ARSG: variants seen among roughly 807,000 people sequenced by gnomAD.
ARSG encodes arylsulfatase G.
ARSG carries 37 observed loss-of-function variants against 50.5 expected under a neutral mutation model. The observed-to-expected ratio is 0.73, with a 90% CI of 0.56 to 0.96. ARSG has a LOEUF of 0.96. Ranked by LOEUF, ARSG falls within the 50% of genes least tolerant of loss-of-function variation. The pLI is 0.00. For missense variants in ARSG, 629 were observed against 675.3 expected (o/e 0.93, Z 0.76); for synonymous variants, 225 against 254.6 (o/e 0.88, Z 1.11).
chr17:68,330,215 AAAAAAG>A (rs1052438792), intron 2 of ARSG, among the ~76,000 whole-genome samples: 10 of 152,256 alleles, frequency 6.6e-5, no homozygotes, highest in African/African-American at 9.6e-5. Flanking sequence ...ATCTCAAAAA[AAAAAAG>A]AAAAAGAAAA....
intron 1 of ARSG, chr17:68,277,946 A>G: frequency 1.6e-6 from 1 of 611,634 alleles, no homozygotes; most frequent in Non-Finnish European, 2.9e-6. Flanking sequence ...ATGCTCTGAA[A>G]ACCCTGTTAG....
intron 1 of ARSG, among the ~76,000 whole-genome samples, chr17:68,293,138 T>G (rs565988380): frequency 6.6e-6 from 1 of 152,340 alleles, no homozygotes; most frequent in East Asian, 1.9e-4. Context: ...GATCCATATA[T>G]AATGATATTT....
intron 6 of ARSG, among the ~76,000 whole-genome samples, chr17:68,365,941 A>G (rs937543146): frequency 1.3e-5 from 2 of 151,998 alleles, no homozygotes; most frequent in African/African-American, 4.8e-5. Context: ...GATTTATTTA[A>G]TTTATTTTTT....
intron 11 of ARSG, among the ~76,000 whole-genome samples, chr17:68,412,101 G>A (rs1307063927): frequency 2.0e-5 from 3 of 152,160 alleles, no homozygotes; most frequent in African/African-American, 7.2e-5. Context: ...CTTTTAATTG[G>A]AGCATTTAGT....
intron 2 of ARSG, among the ~76,000 whole-genome samples, chr17:68,331,161 T>C (rs2077723653): frequency 6.7e-6 from 1 of 150,168 alleles, no homozygotes; most frequent in African/African-American, 2.5e-5. Flanking sequence ...ATTTTTTGTA[T>C]TTTAGCAAAG....
chr17:68,362,252 C>T (rs547271461), intron 6 of ARSG, among the ~76,000 whole-genome samples: 65 of 152,068 alleles, frequency 4.3e-4, no homozygotes, highest in South Asian at 1.0e-3. Flanking sequence ...GCCTCTCACC[C>T]GGCTCCCACC....
intron 11 of ARSG, among the ~76,000 whole-genome samples, chr17:68,413,432 C>T (rs945095369): frequency 6.6e-6 from 1 of 152,208 alleles, no homozygotes; most frequent in African/African-American, 2.4e-5. Context: ...TTAGGCTGCT[C>T]GGGGGTCAGG....
the ARSG span, among the ~76,000 whole-genome samples, chr17:68,447,169 C>T: frequency 2.0e-5 from 3 of 152,280 alleles, no homozygotes; most frequent in African/African-American, 7.2e-5. Flanking sequence ...CAGATTTGGC[C>T]TCAGAGGCTT....
At chr17:68,383,191 A>G (rs1310431715) in intron 8 of ARSG, among the ~76,000 whole-genome samples, 1 of 152,266 alleles carries the variant, frequency 6.6e-6, no homozygotes, top group Non-Finnish European at 1.5e-5. Context: ...GCAAACGAGA[A>G]GAATCCCTAA....
Position 68,364,896 on chromosome 17 carries a change from C to T in ARSG, c.705-3652C>T, listed in dbSNP as rs185535692. Among the ~76,000 whole-genome samples the T allele has an allele frequency of 4.9e-3, 745 of 152,270 alleles. 3 individuals are homozygous for T. The highest frequency in any genetic ancestry group is 7.7e-3 in the Non-Finnish European group (522 of 68,026). ...GGACAGATGCCCCCAAGGGACTAGTCTGTGTGGGCTCTGCCTGATGCCATG... is the reference window on the plus strand; with the variant it reads ...GGACAGATGCCCCCAAGGGACTAGTTTGTGTGGGCTCTGCCTGATGCCATG... On this transcript the variant is annotated intron_variant, in intron 6 of 11. Coordinates refer to ENST00000621439, the MANE Select transcript of ARSG (RefSeq NM_001267727.2).
chr17:68,430,295 C>T, the ARSG span: 2 of 819,158 alleles, frequency 2.4e-6, no homozygotes, highest in Admixed American at 2.9e-5. Flanking sequence ...ATGTTCTGCC[C>T]ACTGAGAACA....
At chr17:68,322,955 C>T (rs1555771115) in intron 2 of ARSG, among the ~76,000 whole-genome samples, 1 of 152,014 alleles carries the variant, frequency 6.6e-6, no homozygotes, top group Non-Finnish European at 1.5e-5. Flanking sequence ...TGTATTCTCA[C>T]AAGGAGAATA....
At chr17:68,443,595 G>A in the ARSG span, among the ~76,000 whole-genome samples, 1 of 152,196 alleles carries the variant, frequency 6.6e-6, no homozygotes, top group East Asian at 1.9e-4. Flanking sequence ...CCAACCCTGG[G>A]AGATGGGTAT....
chr17:68,302,329 T>G (rs73998077), intron 1 of ARSG, among the ~76,000 whole-genome samples: 5,638 of 152,198 alleles, frequency 0.037, 355 homozygotes, highest in African/African-American at 0.13. Context: ...CCTCGGCTCA[T>G]CAGATGCTTT....
intron 2 of ARSG, among the ~76,000 whole-genome samples, chr17:68,311,571 A>G (rs1468797799): frequency 6.6e-6 from 1 of 152,146 alleles, no homozygotes; most frequent in African/African-American, 2.4e-5. Flanking sequence ...AAATCCAGTG[A>G]CATTTCCTTA....
the ARSG span, among the ~76,000 whole-genome samples, chr17:68,436,902 G>C: frequency 2.0e-5 from 3 of 152,068 alleles, no homozygotes; most frequent in Non-Finnish European, 4.4e-5. Context: ...GCTGAGGCAG[G>C]AGAATCGCTT....
the ARSG span, among the ~76,000 whole-genome samples, chr17:68,432,179 AG>A: frequency 1.6e-4 from 24 of 152,312 alleles, no homozygotes; most frequent in South Asian, 4.8e-3. Context: ...AGGAGCGAGA[AG>A]GGAGCCGCCC....
intron 5 of ARSG, among the ~76,000 whole-genome samples, chr17:68,355,197 T>C (rs1444540233): frequency 6.6e-6 from 1 of 152,228 alleles, no homozygotes; most frequent in East Asian, 1.9e-4. Flanking sequence ...CCAGCACCCC[T>C]GTAAGGATGG....
At chr17:68,413,613 A>C (rs1270897991) in intron 11 of ARSG, 2 of 152,308 alleles carry the variant, frequency 1.3e-5, no homozygotes, top group African/African-American at 4.8e-5. Context: ...AGAGGCAGGC[A>C]GGCCTCCTTG....
Sources: gnomAD v4.1 joint callset for allele counts (sites outside exome capture counted in the v4.1 genomes callset) on GRCh38, gnomAD v4.1.1 for gene constraint, MANE v1.5 for transcripts, NCBI Gene and HGNC (gene_info 2026-07-23, HGNC 2026-07-21) for gene names.